The following CFAP61 variants were observed in gnomAD, a reference collection of about 807,000 sequenced individuals.
CFAP61 encodes cilia- and flagella-associated protein 61.
Under a neutral mutation model 135.6 loss-of-function variants are expected in CFAP61, and 107 were observed. The ratio of observed to expected loss-of-function variants is 0.79; its 90% confidence interval spans 0.67 to 0.93. The LOEUF is 0.93. Ranked by LOEUF, CFAP61 falls within the 40% of genes least tolerant of loss-of-function variation. The probability of loss-of-function intolerance (pLI) is 0.00; values close to 1 mark genes in which losing one functional copy is unlikely to be tolerated. For missense variants in CFAP61, 1,507 were observed against 1,556.2 expected (o/e 0.97, Z 0.53); for synonymous variants, 575 against 578.5 (o/e 0.99, Z 0.09).
chr20:20,149,025 A>G (rs1171843123), intron 9 of CFAP61, among the ~76,000 whole-genome samples: 3 of 152,252 alleles, frequency 2.0e-5, no homozygotes, highest in African/African-American at 7.2e-5. Context: ...GTAATAAAAC[A>G]ACTTCATTAC....
intron 13 of CFAP61, among the ~76,000 whole-genome samples, chr20:20,185,135 T>C (rs115932806): frequency 5.1e-4 from 78 of 152,372 alleles, no homozygotes; most frequent in African/African-American, 1.8e-3. Flanking sequence ...GAATCATGTT[T>C]GTTTAATGAA....
intron 6 of CFAP61, among the ~76,000 whole-genome samples, chr20:20,089,410 C>G (rs1180808536): frequency 6.6e-6 from 1 of 151,372 alleles, no homozygotes; most frequent in East Asian, 1.9e-4. Context: ...ATATACTGAT[C>G]ACTCAGTAGA....
chr20:20,187,863 T>G, intron 13 of CFAP61, 67 bp from the exon 14 acceptor site: 1 of 1,229,684 alleles, frequency 8.1e-7, no homozygotes, highest in Non-Finnish European at 1.2e-6. Flanking sequence ...ATTACAATTC[T>G]GTCTCCATTT....
chr20:20,092,684 T>TAA (rs1253489862), intron 7 of CFAP61, among the ~76,000 whole-genome samples: 6 of 94,420 alleles, frequency 6.4e-5, no homozygotes, highest in African/African-American at 2.5e-4. Context: ...ATAGACACTT[T>TAA]TAAAAAAAAT....
At chr20:20,265,704 A>G in intron 21 of CFAP61, 1 of 524,654 alleles carries the variant, frequency 1.9e-6, no homozygotes, top group Non-Finnish European at 3.4e-6. Context: ...AAATGCTAGG[A>G]CCAAGCTCTG....
intron 24 of CFAP61, among the ~76,000 whole-genome samples, chr20:20,292,291 C>A (rs1353339840): frequency 6.6e-6 from 1 of 152,218 alleles, no homozygotes; most frequent in East Asian, 1.9e-4. Flanking sequence ...AAACCCAGTT[C>A]TTCCAGGAAA....
At chr20:20,228,671 A>G (rs747726026) in intron 18 of CFAP61, 18 of 243,806 alleles carry the variant, frequency 7.4e-5, no homozygotes, top group Admixed American at 1.4e-4. Context: ...AGCAGATTAG[A>G]TGGCAGACTC....
chr20:20,215,733 C>A (rs1435163922), intron 17 of CFAP61, among the ~76,000 whole-genome samples: 1 of 152,050 alleles, frequency 6.6e-6, no homozygotes, highest in Non-Finnish European at 1.5e-5. Flanking sequence ...AGAAACATTT[C>A]AATTGTATTT....
At chr20:20,328,623 G>C (rs922762703) in intron 25 of CFAP61, among the ~76,000 whole-genome samples, 3 of 152,066 alleles carry the variant, frequency 2.0e-5, no homozygotes, top group Non-Finnish European at 2.9e-5. Context: ...GAAAGTATTT[G>C]CAAACCATAC....
At chr20:20,226,169 T>C (rs1380952411) in intron 17 of CFAP61, 2 of 152,278 alleles carry the variant, frequency 1.3e-5, no homozygotes, top group African/African-American at 4.8e-5. Flanking sequence ...TGCTGTGTGA[T>C]TTTGAGGTTC....
At chr20:20,096,156 A>AT (rs555262859) in intron 7 of CFAP61, among the ~76,000 whole-genome samples, 308 of 150,636 alleles carry the variant, frequency 2.0e-3, no homozygotes, top group South Asian at 0.019. Context: ...CATTAAATCC[A>AT]TTTTTTTTTC....
intron 15 of CFAP61, among the ~76,000 whole-genome samples, chr20:20,193,541 TAA>T (rs1258264769): frequency 3.3e-5 from 5 of 152,114 alleles, no homozygotes; most frequent in African/African-American, 1.2e-4. Context: ...ACAAATATGA[TAA>T]GTTTTCATTG....
At chr20:20,098,541 G>T in intron 7 of CFAP61, 114 bp from the exon 8 acceptor site, 2 of 878,808 alleles carry the variant, frequency 2.3e-6, no homozygotes, top group Non-Finnish European at 3.4e-6. Context: ...CTGAGGAGGC[G>T]GAGGTTGCGG....
chr20:20,225,766 C>T (rs1302451946), intron 17 of CFAP61, among the ~76,000 whole-genome samples: 1 of 152,204 alleles, frequency 6.6e-6, no homozygotes, highest in Non-Finnish European at 1.5e-5. Context: ...TAGATGCCAT[C>T]ATTACAACAC....
chr20:20,176,198 C>G (rs972082726), intron 13 of CFAP61, among the ~76,000 whole-genome samples: 1 of 152,002 alleles, frequency 6.6e-6, no homozygotes, highest in African/African-American at 2.4e-5. Context: ...AAAAGTCAAG[C>G]AACAACAGAT....
At chr20:20,305,287 A>G (rs1397732392) in intron 25 of CFAP61, among the ~76,000 whole-genome samples, 1 of 152,234 alleles carries the variant, frequency 6.6e-6, no homozygotes, top group Non-Finnish European at 1.5e-5. Context: ...ACCTTGTGTT[A>G]TCTGTCTTTG....
At chr20:20,145,767 A>G (rs1168055174) in intron 9 of CFAP61, among the ~76,000 whole-genome samples, 1 of 152,222 alleles carries the variant, frequency 6.6e-6, no homozygotes, top group African/African-American at 2.4e-5. Context: ...AGAACACAGA[A>G]TACTATAAGA....
intron 25 of CFAP61, among the ~76,000 whole-genome samples, chr20:20,306,404 T>C (rs575417486): frequency 6.6e-6 from 1 of 152,332 alleles, no homozygotes; most frequent in East Asian, 1.9e-4. Context: ...AGATTTTTTA[T>C]GGTTTTGAGG....
chr20:20,341,074 A>G (rs112761049), intron 25 of CFAP61, among the ~76,000 whole-genome samples: 52 of 152,246 alleles, frequency 3.4e-4, no homozygotes, highest in African/African-American at 1.2e-3. Flanking sequence ...ATCCATAAAC[A>G]GTAATAAGGG....
Sources: allele counts gnomAD v4.1 joint callset (sites outside exome capture counted in the v4.1 genomes callset), GRCh38; gene constraint gnomAD v4.1.1; transcripts MANE v1.5; gene names NCBI Gene and HGNC (gene_info 2026-07-23, HGNC 2026-07-21).